The following IFT140 variants were observed in gnomAD, a reference collection of about 807,000 sequenced individuals.
The protein encoded by IFT140 is intraflagellar transport protein 140 homolog.
Under a neutral mutation model 164.6 loss-of-function variants are expected in IFT140, and 133 were observed. The ratio of observed to expected loss-of-function variants is 0.81; its 90% CI spans 0.70 to 0.93. The LOEUF (loss-of-function observed/expected upper bound fraction) is 0.93. IFT140 is among the 40% of genes least tolerant of loss of function. The pLI is 0.00. For synonymous variants in IFT140, 860 were observed against 817.3 expected (o/e 1.05, Z -0.89); for missense variants, 2,045 against 1,972.3 (o/e 1.04, Z -0.70).
chr16:1,593,687 G>C (rs1207269327), intron 4 of IFT140, among the ~76,000 whole-genome samples: 1 of 152,088 alleles, frequency 6.6e-6, no homozygotes, highest in Non-Finnish European at 1.5e-5. Flanking sequence ...TTTTCTCATA[G>C]TTGCCTGGGG....
chr16:1,553,715 C>G lies in IFT140; in HGVS notation c.2399+4220G>C. On this transcript the variant is annotated intron_variant, in intron 19 of 30. Coordinates refer to ENST00000426508, the MANE Select transcript of IFT140 (RefSeq NM_014714.4). This position sits in a 1 kb window ranked among gnomAD's most constrained non-coding sequence, Gnocchi z 4.4. Reference sequence around the variant, plus strand: ...GCTGGAGGCCCCATGGCCTCCAGGACAATCTGTGGCCACATCCCCATGGCT... The same window carrying G: ...GCTGGAGGCCCCATGGCCTCCAGGAGAATCTGTGGCCACATCCCCATGGCT... 9.0e-7 allele frequency: 1 copy of G among 1,111,928 alleles called. No individual in the cohort carries two copies. The highest frequency in any genetic ancestry group is 1.1e-6 in the Non-Finnish European group (1 of 899,936). 68.9% of individuals were successfully genotyped at this position (1,111,928 alleles called of 1,614,324 possible).
rs150104769 is a variant in IFT140 at position 1,582,904 on chromosome 16, G to A, written c.1432+410C>T. Among the ~76,000 whole-genome samples the A allele has an allele frequency of 1.4e-4, 21 of 152,326 alleles. No homozygotes were observed. The East Asian group carries it at 3.9e-3, about 28-fold the overall frequency. On this transcript the variant is annotated intron_variant, in intron 12 of 30. Transcript: ENST00000426508. The stretch of plus-strand genomic sequence containing the variant: ...GGCAACAATGGCAAAACTAACCGCA[G>A]AGAGCTGGAGAGATCTTGGGGACCT...
intron 3 of IFT140, among the ~76,000 whole-genome samples, chr16:1,605,883 T>G (rs1385168376): frequency 6.6e-6 from 1 of 152,154 alleles, no homozygotes; most frequent in East Asian, 1.9e-4. Context: ...TTTGCAGATG[T>G]GGGTAAGCTC....
In IFT140 at chr16:1,519,960, T is replaced by C. The variant is rs1567322393; in HGVS notation, c.3961A>G (p.Ser1321Gly). The part of the protein sequence containing the change: ...YKCLAKAKAK[S>G]PLDQETRLAQ... Reference sequence around the variant, plus strand: ...AGCCTGGTCTCCTGGTCCAGGGGGCTCTTGGCCTTGGCCTTGGCCAGGCAC... The same window carrying C: ...AGCCTGGTCTCCTGGTCCAGGGGGCCCTTGGCCTTGGCCTTGGCCAGGCAC... Residue 1321 changes from serine (S) to glycine (G), a missense_variant, in exon 29 of 31, where the codon AGC becomes GGC. Ser to Gly is a moderately conservative substitution (Grantham distance 56). Coordinates refer to ENST00000426508, the MANE Select transcript of IFT140 (RefSeq NM_014714.4). The C allele has an allele frequency of 1.2e-6, 2 of 1,607,140 alleles. No homozygotes were observed. Among genetic ancestry groups the C allele is most frequent in the South Asian group, 1.1e-5 (1 of 90,228 alleles).
chr16:1,525,726 C>T lies in IFT140; in HGVS notation c.2768+161G>A, dbSNP rs62040000. On this transcript the variant is annotated intron_variant, in intron 21 of 30. Coordinates refer to ENST00000426508, the MANE Select transcript of IFT140 (RefSeq NM_014714.4). The stretch of plus-strand genomic sequence containing the variant: ...GATGGAAGGGGCAACCCCACATCTC[C>T]GAGACTCCCAGAAGCTTCCTGCCGA... Among the ~76,000 whole-genome samples, 91 of 152,216 alleles carry T rather than the reference C, an allele frequency of 6.0e-4. 1 individual carries two copies. Among genetic ancestry groups the T allele is most frequent in the Non-Finnish European group, 1.0e-3 (71 of 68,024 alleles).
Position 1,566,230 on chromosome 16 carries a change from A to G in IFT140, c.1832T>C (p.Val611Ala). 1 of 1,613,936 alleles carries G rather than the reference A, an allele frequency of 6.2e-7. No homozygotes were observed. Among genetic ancestry groups the G allele is most frequent in the South Asian group, 1.1e-5 (1 of 91,078 alleles). ...FYDVEMDTVT[V>A]FDFKTGQIDR... ...AATTTGTCCAGTCTTGAAGTCAAAG[A>G]CGGTCACTGTGTCCATTTCAACATC... The change falls in exon 16 of 31, where the codon GTC becomes GCC. Residue 611 changes from valine (V) to alanine (A), a missense_variant. Transcript: ENST00000426508.
At chr16:1,582,270 C>T (rs74932598) in intron 12 of IFT140, among the ~76,000 whole-genome samples, 2,835 of 152,240 alleles carry the variant, frequency 0.019, 90 homozygotes, top group African/African-American at 0.064. Context: ...GCCCTAAATA[C>T]ACTCACGAGT....
intron 13 of IFT140, among the ~76,000 whole-genome samples, chr16:1,573,712 C>T (rs577175486): frequency 3.9e-4 from 60 of 152,282 alleles, no homozygotes; most frequent in Non-Finnish European, 6.8e-4. Context: ...TGCCCCTCCA[C>T]TCCAGCTCTG....
chr16:1,596,065 A>AAAAC (rs761158836), intron 4 of IFT140, among the ~76,000 whole-genome samples: 2 of 152,330 alleles, frequency 1.3e-5, no homozygotes, highest in African/African-American at 2.4e-5. Context: ...AAAACAAACA[A>AAAAC]AAACAAACAA....
Position 1,553,827 on chromosome 16 carries a change from T to C in IFT140, c.2399+4108A>G. Reference sequence around the variant, plus strand: ...TTCCAGCTGGATTAGGACGCCCGGCTCCATCGCTGCGGCCACAGTGTCCTG... The same window carrying C: ...TTCCAGCTGGATTAGGACGCCCGGCCCCATCGCTGCGGCCACAGTGTCCTG... On this transcript the variant is annotated intron_variant, in intron 19 of 30. Transcript: ENST00000426508. This position sits in a 1 kb window ranked among gnomAD's most constrained non-coding sequence, Gnocchi z 4.4. The C allele has an allele frequency of 8.3e-7, 1 of 1,208,472 alleles. No homozygotes were observed. The highest frequency in any genetic ancestry group is 1.1e-6 in the Non-Finnish European group (1 of 950,338). 74.9% of individuals were successfully genotyped at this position (1,208,472 alleles called of 1,614,324 possible). A position where few individuals can be genotyped will look rare whatever the true frequency, so the allele number is the denominator to read the frequency against.
intron 19 of IFT140, among the ~76,000 whole-genome samples, chr16:1,528,235 G>A (rs1567333300): frequency 6.6e-6 from 1 of 152,168 alleles, no homozygotes; most frequent in Non-Finnish European, 1.5e-5. Context: ...ACAGGCAGAG[G>A]ACGCACTGGT....
At position 1,592,482 on chromosome 16, in the gene IFT140, A is replaced by G. The variant is rs1020544979; in HGVS notation, c.476T>C (p.Leu159Pro). 3 of 1,614,058 alleles carry G rather than the reference A, an allele frequency of 1.9e-6. No individual in the cohort carries two copies. The highest frequency in any genetic ancestry group is 2.7e-5 in the African/African-American group (2 of 75,022). The change falls in exon 5 of 31, where the codon CTC becomes CCC. Residue 159 changes from leucine (L) to proline (P), a missense_variant. Transcript: ENST00000426508. ...GKHLTHCIFR[L>P]PPPGEDLVQL... ...CCACACTTACTCGCCAGGAGGGGGG[A>G]GCCGGAAGATGCAGTGCGTGAGGTG... is the stretch of plus-strand genomic sequence containing the variant.
chr16:1,603,630 G>A (rs536398326), intron 3 of IFT140, among the ~76,000 whole-genome samples: 11 of 152,162 alleles, frequency 7.2e-5, no homozygotes, highest in African/African-American at 1.9e-4. Context: ...GACTACAGGC[G>A]CGCCACCAAG....
At chr16:1,542,093 G>T (rs1567349045) in intron 19 of IFT140, 2 of 1,584,972 alleles carry the variant, frequency 1.3e-6, no homozygotes, top group Non-Finnish European at 1.7e-6. Context: ...ACCTGGGCGG[G>T]TGTGGCCACC....
intron 7 of IFT140, among the ~76,000 whole-genome samples, chr16:1,589,281 T>C (rs1317656751): frequency 6.6e-6 from 1 of 152,118 alleles, no homozygotes; most frequent in Admixed American, 6.5e-5. Flanking sequence ...GCAGGTGGAA[T>C]GAGAGGCTGT....
chr16:1,511,934 C>T (rs1428390271), intron 30 of IFT140, among the ~76,000 whole-genome samples: 1 of 151,386 alleles, frequency 6.6e-6, no homozygotes, highest in African/African-American at 2.4e-5. Flanking sequence ...AGGGCTGGCA[C>T]AGGGAGGGAG....
intron 10 of IFT140, among the ~76,000 whole-genome samples, chr16:1,584,790 A>T (rs888753813): frequency 2.6e-5 from 4 of 152,252 alleles, no homozygotes; most frequent in Non-Finnish European, 4.4e-5. Flanking sequence ...GGATTAAATT[A>T]TCCAGCTTTC....
intron 1 of IFT140, among the ~76,000 whole-genome samples, chr16:1,611,767 T>C (rs1324631561): frequency 2.0e-5 from 3 of 150,066 alleles, no homozygotes; most frequent in African/African-American, 4.9e-5. Context: ...TGAGCCAAGA[T>C]TGCGCCACTG....
chr16:1,585,621 ATAAC>A (rs1169649416), intron 10 of IFT140, among the ~76,000 whole-genome samples: 5 of 152,342 alleles, frequency 3.3e-5, no homozygotes, highest in African/African-American at 1.2e-4. Context: ...GATACATATT[ATAAC>A]TAATACAGGT....
Sources: gnomAD v4.1 joint callset for allele counts (sites outside exome capture counted in the v4.1 genomes callset) on GRCh38, gnomAD v4.1.1 for gene constraint, Gnocchi (gnomAD v3.1) non-coding constraint, MANE v1.5 for transcripts, NCBI Gene and HGNC (gene_info 2026-07-23, HGNC 2026-07-21) for gene names.